Variants in TNC observed in about 807,000 individuals in gnomAD.
The protein encoded by TNC is tenascin C, also known as tenascin.
TNC carries 109 observed loss-of-function variants against 202.4 expected under a neutral mutation model. The ratio of observed to expected loss-of-function variants is 0.54; its 90% CI spans 0.46 to 0.63. The LOEUF is 0.63. Among genes scored for constraint, TNC ranks in the 30% least tolerant of loss-of-function variants. The pLI is 0.00. For missense variants in TNC, 2,756 were observed against 2,833.3 expected (o/e 0.97, Z 0.62); for synonymous variants, 1,007 against 1,089.7 (o/e 0.92, Z 1.50).
At chr9:115,044,105 C>T (rs1333415197) in intron 17 of TNC, among the ~76,000 whole-genome samples, 2 of 151,994 alleles carry the variant, frequency 1.3e-5, no homozygotes, top group Non-Finnish European at 2.9e-5. Flanking sequence ...TTTCTACTGC[C>T]CTGGGCACCC....
intron 26 of TNC, among the ~76,000 whole-genome samples, chr9:115,025,160 G>A (rs1223800370): frequency 6.6e-6 from 1 of 152,142 alleles, no homozygotes; most frequent in Non-Finnish European, 1.5e-5. Context: ...AAAGAGAGAG[G>A]AACAGAGGCC....
At chr9:115,032,985 T>C (rs564065021) in intron 22 of TNC, among the ~76,000 whole-genome samples, 1 of 152,306 alleles carries the variant, frequency 6.6e-6, no homozygotes, top group South Asian at 2.1e-4. Context: ...CTCTACAACC[T>C]GCAAACAGCC....
intron 1 of TNC, among the ~76,000 whole-genome samples, chr9:115,113,521 A>T (rs1200258819): frequency 6.6e-6 from 1 of 152,222 alleles, no homozygotes; most frequent in African/African-American, 2.4e-5. Flanking sequence ...TTCTTGTCGA[A>T]GTTAGCAGCA....
intron 24 of TNC, 151 bp from the exon 25 acceptor site, chr9:115,029,607 C>T: frequency 1.4e-6 from 1 of 714,476 alleles, no homozygotes; most frequent in East Asian, 2.7e-5. Context: ...TGGTCACCTG[C>T]CCCTCCTTAA....
intron 22 of TNC, among the ~76,000 whole-genome samples, chr9:115,034,237 A>G (rs899497687): frequency 3.9e-5 from 6 of 152,238 alleles, no homozygotes; most frequent in Non-Finnish European, 7.3e-5. Flanking sequence ...GTTTGTACAC[A>G]GTGAGAGGCC....
intron 5 of TNC, among the ~76,000 whole-genome samples, chr9:115,082,320 T>C (rs181091996): frequency 1.2e-3 from 177 of 152,310 alleles, no homozygotes; most frequent in African/African-American, 4.1e-3. Flanking sequence ...AGTTCCCTGC[T>C]TCACATGTAC....
At chr9:115,083,762 G>C (rs1247435293) in intron 4 of TNC, among the ~76,000 whole-genome samples, 1 of 152,004 alleles carries the variant, frequency 6.6e-6, no homozygotes. Context: ...GCACCACCAG[G>C]CCCGACTAAT....
chr9:115,037,751 C>T (rs1830442606), intron 20 of TNC, among the ~76,000 whole-genome samples: 1 of 152,208 alleles, frequency 6.6e-6, no homozygotes, highest in Admixed American at 6.5e-5. Context: ...TGGTCTCAAA[C>T]TCCTGGTCTC....
chr9:115,105,733 A>G (rs1836566136), intron 1 of TNC, among the ~76,000 whole-genome samples: 1 of 152,202 alleles, frequency 6.6e-6, no homozygotes, highest in African/African-American at 2.4e-5. Flanking sequence ...GTAATCTACA[A>G]CACGTTGATA....
At chr9:115,078,575 T>C (rs1427051460) in intron 6 of TNC, among the ~76,000 whole-genome samples, 1 of 152,074 alleles carries the variant, frequency 6.6e-6, no homozygotes, top group Non-Finnish European at 1.5e-5. Flanking sequence ...GGGGATACTT[T>C]ATTTGAAAAG....
At chr9:115,056,260 G>C (rs1416756526) in intron 15 of TNC, among the ~76,000 whole-genome samples, 2 of 151,860 alleles carry the variant, frequency 1.3e-5, no homozygotes, top group African/African-American at 2.4e-5. Context: ...TGTAGATATT[G>C]TTTCTTTTTT....
Position 115,078,110 on chromosome 9 carries a change from G to C in TNC, c.2507C>G (p.Thr836Ser). Residue 836 changes from threonine (T) to serine (S), a missense_variant, in exon 7 of 28, where the codon ACC becomes AGC. This residue lies in a region of TNC where 2,559 missense variants were observed against 2,546.0 expected (regional missense o/e 1.01). Coordinates refer to ENST00000350763, the MANE Select transcript of TNC (RefSeq NM_002160.4). The stretch of plus-strand genomic sequence containing the variant: ...TCCTGGCACGTCTTTGATGCCGTAG[G>C]TCAGCTCAATGCCATCGATCTCAGC... ...PLAEIDGIEL[T>S]YGIKDVPGDR... 1.9e-6 allele frequency: 3 copies of C among 1,614,216 alleles called. No homozygotes were observed. Among genetic ancestry groups the C allele is most frequent in the Non-Finnish European group, 2.5e-6 (3 of 1,180,034 alleles).
chr9:115,096,589 T>A (rs956224420), intron 1 of TNC, among the ~76,000 whole-genome samples: 1 of 151,664 alleles, frequency 6.6e-6, no homozygotes, highest in African/African-American at 2.4e-5. Flanking sequence ...TCTTGACTAA[T>A]GAAAATGGGT....
intron 23 of TNC, among the ~76,000 whole-genome samples, chr9:115,031,185 T>A (rs1274553362): frequency 1.3e-5 from 2 of 152,236 alleles, no homozygotes; most frequent in Non-Finnish European, 2.9e-5. Flanking sequence ...ATGGGCCACA[T>A]ACTGGGCTAG....
intron 6 of TNC, 117 bp from the exon 7 acceptor site, chr9:115,078,329 GACTTT>G: frequency 8.1e-7 from 1 of 1,231,700 alleles, no homozygotes; most frequent in African/African-American, 1.5e-5. Flanking sequence ...CTAACTGCTT[GACTTT>G]ACTTTGCCTT....
chr9:115,086,735 G>A lies in TNC; in HGVS notation c.996C>T (p.Cys332=), dbSNP rs573086700. ...RGRCINGTCY[C]EEGFTGEDCG... ...AGTCTTCACCTGTGAAGCCTTCTTCGCAGTAGCAGGTGCCATTGATGCAGC... is the reference window on the plus strand; with the variant it reads ...AGTCTTCACCTGTGAAGCCTTCTTCACAGTAGCAGGTGCCATTGATGCAGC... The change falls in exon 3 of 28, where the codon TGC becomes TGT. Residue 332 remains cysteine, a synonymous_variant. Coordinates refer to ENST00000350763, the MANE Select transcript of TNC (RefSeq NM_002160.4). 15 of 1,613,776 alleles carry A rather than the reference G, an allele frequency of 9.3e-6. No individual in the cohort carries two copies. Among genetic ancestry groups the A allele is most frequent in the South Asian group, 3.3e-5 (3 of 91,076 alleles).
intron 26 of TNC, among the ~76,000 whole-genome samples, chr9:115,025,019 G>C (rs748358984): frequency 2.0e-5 from 3 of 152,154 alleles, no homozygotes; most frequent in Non-Finnish European, 4.4e-5. Context: ...AGGACGGCAC[G>C]TAGATATTAA....
chr9:115,051,537 C>CTTTTTTTTT (rs5900117), intron 15 of TNC, among the ~76,000 whole-genome samples: 9 of 131,276 alleles, frequency 6.9e-5, no homozygotes, highest in South Asian at 4.9e-4. Flanking sequence ...TCTTTTTTTT[C>CTTTTTTTTT]TTTTTTTTTT....
intron 10 of TNC, among the ~76,000 whole-genome samples, chr9:115,065,179 T>C (rs1832854675): frequency 6.6e-6 from 1 of 152,138 alleles, no homozygotes; most frequent in Non-Finnish European, 1.5e-5. Context: ...GTGGATCATT[T>C]GAGGTCAGGG....
Sources: gnomAD v4.1 joint callset for allele counts (sites outside exome capture counted in the v4.1 genomes callset) on GRCh38, gnomAD v4.1.1 for gene constraint, gnomAD v4.1.1 regional missense constraint, MANE v1.5 for transcripts, NCBI Gene and HGNC (gene_info 2026-07-23, HGNC 2026-07-21) for gene names.